Variants in UHMK1 observed in about 807,000 individuals in gnomAD.
UHMK1 encodes U2AF homology motif kinase 1, also known as serine/threonine-protein kinase Kist.
UHMK1 carries 18 observed loss-of-function variants against 44.0 expected under a neutral mutation model. That is an observed-to-expected ratio of 0.41 (90% CI 0.28 to 0.61). UHMK1 has a LOEUF of 0.61. Among genes scored for constraint, UHMK1 ranks in the 20% least tolerant of loss-of-function variants. The pLI is 0.31. For synonymous variants in UHMK1, 231 were observed against 198.5 expected (o/e 1.16, Z -1.38); for missense variants, 463 against 522.5 (o/e 0.89, Z 1.11).
chr1:162,516,113 T>A (rs1651827750), intron 6 of UHMK1, among the ~76,000 whole-genome samples: 1 of 152,222 alleles, frequency 6.6e-6, no homozygotes, highest in South Asian at 2.1e-4. Flanking sequence ...TCCTCCTCTA[T>A]CTTGCTGTGA....
At chr1:162,497,727 C>T, upstream of UHMK1, 1 of 1,165,332 alleles carries the variant, frequency 8.6e-7, no homozygotes, top group Non-Finnish European at 1.1e-6. Context: ...TTTTCCAAAC[C>T]TAGCGCGTCT....
chr1:162,509,903 C>G (rs1234445479), intron 4 of UHMK1, among the ~76,000 whole-genome samples: 2 of 152,188 alleles, frequency 1.3e-5, no homozygotes, highest in Non-Finnish European at 2.9e-5. Context: ...CCTCTGCCTC[C>G]CAAATTGCTG....
rs192482294 is a variant in UHMK1, at chr1:162,501,263, G to C, written c.753+159G>C. 1.9e-3 allele frequency among the ~76,000 whole-genome samples: 285 copies of C among 152,042 alleles called. 4 individuals carry two copies. The highest frequency in any genetic ancestry group is 0.016 in the Admixed American group (240 of 15,266). Reference sequence around the variant, plus strand: ...CAGCTCACTGCAACCTCCACCTTCCGGTTTCAACCAATTCTCCTGCCTCAG... The same window carrying C: ...CAGCTCACTGCAACCTCCACCTTCCCGTTTCAACCAATTCTCCTGCCTCAG... On this transcript the variant is annotated intron_variant, in intron 3 of 7. Coordinates refer to ENST00000489294, the MANE Select transcript of UHMK1 (RefSeq NM_175866.5).
In UHMK1 at chr1:162,498,198, C is replaced by T. The variant is rs200218058; in HGVS notation, c.198C>T (p.Ala66=). The change falls in exon 1 of 8, where the codon GCC becomes GCT. Residue 66 remains alanine, a synonymous_variant. Coordinates refer to ENST00000489294, the MANE Select transcript of UHMK1 (RefSeq NM_175866.5). ...CGCCAGGAACCACCGGGGCTGCGGCCTCTGCCGCCGAGTATGGTTTCCGCA... is the reference window on the plus strand; with the variant it reads ...CGCCAGGAACCACCGGGGCTGCGGCTTCTGCCGCCGAGTATGGTTTCCGCA... ...FLPPGTTGAA[A]SAAEYGFRKE... is the part of the protein sequence containing the mutation. The T allele has an allele frequency of 3.1e-6, 5 of 1,612,922 alleles. No homozygotes were observed. Among genetic ancestry groups the T allele is most frequent in the African/African-American group, 1.3e-5 (1 of 75,062 alleles).
chr1:162,502,170 A>G (rs1651295062), intron 3 of UHMK1, among the ~76,000 whole-genome samples: 4 of 152,166 alleles, frequency 2.6e-5, no homozygotes, highest in Admixed American at 2.0e-4. Flanking sequence ...TACTGTAGTT[A>G]ATTCCTAATT....
At chr1:162,499,818 A>G in intron 1 of UHMK1, 137 bp from the exon 2 acceptor site, 1 of 790,484 alleles carries the variant, frequency 1.3e-6, no homozygotes, top group South Asian at 1.9e-5. Flanking sequence ...TATTCATGGG[A>G]AAAATAAATT....
At chr1:162,511,729 A>G (rs1651676359) in intron 4 of UHMK1, among the ~76,000 whole-genome samples, 2 of 152,138 alleles carry the variant, frequency 1.3e-5, no homozygotes. Flanking sequence ...TGGGTCTTAC[A>G]TTTAAATTGT....
chr1:162,498,054 C>T lies in UHMK1; in HGVS notation c.54C>T (p.Ala18=). 1 of 1,604,794 alleles carries T rather than the reference C, an allele frequency of 6.2e-7. No homozygotes were observed. Among genetic ancestry groups the T allele is most frequent in the African/African-American group, 1.3e-5 (1 of 74,590 alleles). Reference sequence around the variant, plus strand: ...CGGAGCCGCCGCGTTTTCTGGAGGCCTTCGGGCGGCTGTGGCAGGTACAGA... The same window carrying T: ...CGGAGCCGCCGCGTTTTCTGGAGGCTTTCGGGCGGCTGTGGCAGGTACAGA... ...WGAEPPRFLE[A]FGRLWQVQSR... Residue 18 remains alanine, a synonymous_variant, in exon 1 of 8, where the codon GCC becomes GCT. Coordinates refer to ENST00000489294, the MANE Select transcript of UHMK1 (RefSeq NM_175866.5).
In UHMK1 at chr1:162,523,573, G is replaced by T. The variant is rs1247065866; in HGVS notation, c.*1023G>T. 6.6e-6 allele frequency: 1 copy of T among 152,532 alleles called. No homozygotes were observed. Among genetic ancestry groups the T allele is most frequent in the Non-Finnish European group, 1.5e-5 (1 of 68,048 alleles). 9.4% of individuals were successfully genotyped at this position (152,532 alleles called of 1,614,324 possible). On this transcript the variant is annotated 3_prime_UTR_variant, in exon 8 of 8. Transcript: ENST00000489294. ...TAGTTTTAAGGTTTCTCAAGATGTG[G>T]CTCTACCTACTATGATGAAAATTGA...
chr1:162,500,788 A>G (rs1651240013), intron 2 of UHMK1, 125 bp from the exon 3 acceptor site: 2 of 912,266 alleles, frequency 2.2e-6, no homozygotes, highest in African/African-American at 1.7e-5. Context: ...ATCAAGGACT[A>G]AAAATTTTTA....
intron 3 of UHMK1, among the ~76,000 whole-genome samples, chr1:162,501,411 A>C (rs1571004119): frequency 1.3e-5 from 2 of 151,962 alleles, no homozygotes; most frequent in African/African-American, 4.8e-5. Flanking sequence ...CTCATGATGC[A>C]CCCGCCTGGG....
At position 162,523,288 on chromosome 1, in the gene UHMK1, T is replaced by A. The variant is rs1645287866; in HGVS notation, c.*738T>A. The A allele has an allele frequency of 6.6e-6, 1 of 152,636 alleles. No homozygotes were observed. The highest frequency in any genetic ancestry group is 2.4e-5 in the African/African-American group (1 of 41,442). The allele number at this position is 152,636 out of a possible 1,614,324, so 9.5% of individuals were successfully genotyped here. On this transcript the variant is annotated 3_prime_UTR_variant, in exon 8 of 8. Coordinates refer to ENST00000489294, the MANE Select transcript of UHMK1 (RefSeq NM_175866.5). ...GTGTGAATCCTGTGAGCTAATACAGTCTATACTTATTTCTTCCCTACCTGT... is the reference window on the plus strand; with the variant it reads ...GTGTGAATCCTGTGAGCTAATACAGACTATACTTATTTCTTCCCTACCTGT...
At chr1:162,506,235 C>T (rs1329550834) in intron 4 of UHMK1, among the ~76,000 whole-genome samples, 1 of 118,198 alleles carries the variant, frequency 8.5e-6, no homozygotes, top group Admixed American at 8.6e-5. Flanking sequence ...CCCCCCCCCC[C>T]CACCATTTTA....
intron 4 of UHMK1, among the ~76,000 whole-genome samples, chr1:162,508,530 C>T (rs1651555701): frequency 4.6e-5 from 7 of 151,650 alleles, no homozygotes; most frequent in Admixed American, 4.6e-4. Context: ...ATGGTGAAAT[C>T]CCGTCTCTAC....
At chr1:162,513,034 C>T (rs1651721238) in intron 6 of UHMK1, 1 of 423,400 alleles carries the variant, frequency 2.4e-6, no homozygotes, top group Admixed American at 3.6e-5. Flanking sequence ...CTCACTGCAA[C>T]CTCTGCCTCC....
chr1:162,499,178 T>G (rs1437540947), intron 1 of UHMK1, among the ~76,000 whole-genome samples: 1 of 151,764 alleles, frequency 6.6e-6, no homozygotes, highest in Non-Finnish European at 1.5e-5. Context: ...TTATTTTTGT[T>G]TTAGTTTTTT....
At chr1:162,521,763 G>A (rs1422590209) in intron 7 of UHMK1, among the ~76,000 whole-genome samples, 1 of 152,184 alleles carries the variant, frequency 6.6e-6, no homozygotes, top group African/African-American at 2.4e-5. Flanking sequence ...TGGGTAGCTG[G>A]GATTACAGGT....
At chr1:162,520,106 C>T (rs6661509) in intron 7 of UHMK1, among the ~76,000 whole-genome samples, 69,518 of 151,990 alleles carry the variant, frequency 0.46, 15,953 homozygotes, top group East Asian at 0.48. Flanking sequence ...TTGTCCAGGG[C>T]GGTCTTGAAC....
At chr1:162,516,307 T>G (rs1487185164) in intron 6 of UHMK1, among the ~76,000 whole-genome samples, 5 of 152,178 alleles carry the variant, frequency 3.3e-5, no homozygotes, top group Admixed American at 3.3e-4. Flanking sequence ...CTAGAAATTA[T>G]GGTATGTGTT....
Sources: allele counts gnomAD v4.1 joint callset (sites outside exome capture counted in the v4.1 genomes callset), GRCh38; gene constraint gnomAD v4.1.1; transcripts MANE v1.5; gene names NCBI Gene and HGNC (gene_info 2026-07-23, HGNC 2026-07-21).